FGD6: variants seen among roughly 807,000 people sequenced by gnomAD.
FGD6 encodes FYVE, RhoGEF and PH domain-containing protein 6.
A neutral mutation model predicts 149.4 loss-of-function variants in FGD6; 90 were observed. The observed-to-expected ratio is 0.60, with a 90% CI of 0.51 to 0.72. The LOEUF (loss-of-function observed/expected upper bound fraction) is 0.72, where lower values mean the gene tolerates loss of function less well. Ranked by LOEUF, FGD6 falls within the 30% of genes least tolerant of loss-of-function variation. FGD6 has a pLI of 0.00. For missense variants in FGD6, 1,437 were observed against 1,684.8 expected (o/e 0.85, Z 2.57); for synonymous variants, 527 against 584.0 (o/e 0.90, Z 1.41).
chr12:95,169,373 C>T (rs1421177393), intron 3 of FGD6, among the ~76,000 whole-genome samples: 1 of 150,978 alleles, frequency 6.6e-6, no homozygotes, highest in East Asian at 1.9e-4. Context: ...CCATGATTAA[C>T]TAAAGAAATA....
At position 95,211,012 on chromosome 12, in the gene FGD6, T is replaced by C. The variant is rs763773564; in HGVS notation, c.272A>G (p.Asp91Gly). Residue 91 changes from aspartate (D) to glycine (G), a missense_variant, in exon 2 of 21, where the codon GAC (aspartate) becomes GGC (glycine). Transcript: ENST00000343958. ...GCCTTCATATTTACAATTAAAGTTG[T>C]CAGTGCTTTCAGCTAATTCCTGTTT... is the stretch of plus-strand genomic sequence containing the variant. ...GHKQELAEST[D>G]NFNCKYEGNQ... The C allele has an allele frequency of 1.2e-6, 2 of 1,614,172 alleles. No individual in the cohort carries two copies. Among genetic ancestry groups the C allele is most frequent in the Non-Finnish European group, 1.7e-6 (2 of 1,180,032 alleles).
intron 8 of FGD6, among the ~76,000 whole-genome samples, chr12:95,118,797 T>C (rs1165589201): frequency 2.0e-5 from 3 of 152,226 alleles, no homozygotes; most frequent in Non-Finnish European, 4.4e-5. Context: ...GTCTAGTCAA[T>C]ATGACTTTGT....
At chr12:95,120,600 T>G (rs1402151450) in intron 8 of FGD6, among the ~76,000 whole-genome samples, 1 of 150,962 alleles carries the variant, frequency 6.6e-6, no homozygotes, top group Non-Finnish European at 1.5e-5. Flanking sequence ...GCAAGGAGAA[T>G]TGCTTAAACT....
At chr12:95,102,063 T>C (rs1162744795) in intron 14 of FGD6, among the ~76,000 whole-genome samples, 1 of 68,418 alleles carries the variant, frequency 1.5e-5, no homozygotes, top group Admixed American at 1.4e-4. Context: ...TGTAGCACTT[T>C]GGGAGGCTGA....
At chr12:95,101,263 C>A (rs548067574) in intron 14 of FGD6, among the ~76,000 whole-genome samples, 67 of 152,138 alleles carry the variant, frequency 4.4e-4, no homozygotes, top group African/African-American at 1.4e-3. Context: ...AGAAGAATTG[C>A]TCGAACCCGG....
chr12:95,153,669 AAAAC>A (rs896219294), intron 3 of FGD6, among the ~76,000 whole-genome samples: 12 of 152,116 alleles, frequency 7.9e-5, no homozygotes, highest in South Asian at 2.1e-4. Context: ...CTCAAAAACA[AAAAC>A]AAACAAACAA....
intron 2 of FGD6, among the ~76,000 whole-genome samples, chr12:95,181,608 T>C (rs1309793442): frequency 6.6e-6 from 1 of 152,250 alleles, no homozygotes; most frequent in Non-Finnish European, 1.5e-5. Flanking sequence ...ACAACTTTCT[T>C]GTTAATACAA....
chr12:95,094,507 T>G (rs1450901465), intron 15 of FGD6, 85 bp downstream of exon 15: 2 of 849,810 alleles, frequency 2.4e-6, no homozygotes, highest in African/African-American at 3.4e-5. Flanking sequence ...CTGAAACACA[T>G]GTTGCTTTCT....
intron 2 of FGD6, among the ~76,000 whole-genome samples, chr12:95,204,325 C>G (rs1286232264): frequency 1.3e-5 from 2 of 152,160 alleles, no homozygotes; most frequent in Non-Finnish European, 2.9e-5. Flanking sequence ...CACCCTCATC[C>G]AGTCTCCTCC....
chr12:95,113,525 C>T (rs765526170), intron 9 of FGD6, 126 bp downstream of exon 9: 32 of 742,584 alleles, frequency 4.3e-5, no homozygotes, highest in Non-Finnish European at 6.0e-5. Context: ...TGTGAGCCAC[C>T]GCACCTGCCC....
At chr12:95,187,122 G>T (rs113624369) in intron 2 of FGD6, among the ~76,000 whole-genome samples, 1 of 135,254 alleles carries the variant, frequency 7.4e-6, no homozygotes, top group Non-Finnish European at 1.6e-5. Context: ...ATGAGGTTAG[G>T]AGATCGAGAC....
intron 13 of FGD6, among the ~76,000 whole-genome samples, chr12:95,105,430 A>C (rs1260219129): frequency 2.0e-5 from 3 of 152,188 alleles, no homozygotes; most frequent in Admixed American, 2.0e-4. Context: ...GCTACAGGCC[A>C]GTCCCCACCA....
At chr12:95,086,967 C>T (rs1565892019) in intron 18 of FGD6, among the ~76,000 whole-genome samples, 1 of 151,756 alleles carries the variant, frequency 6.6e-6, no homozygotes, top group Admixed American at 6.6e-5. Flanking sequence ...CGTGCCCCAG[C>T]CTCCCGAGTA....
At chr12:95,167,358 C>A (rs545371299) in intron 3 of FGD6, among the ~76,000 whole-genome samples, 1 of 152,112 alleles carries the variant, frequency 6.6e-6, no homozygotes, top group South Asian at 2.1e-4. Flanking sequence ...TATAAGGACT[C>A]CCATTTCTCC....
At chr12:95,085,260 G>C (rs1877823778) in intron 19 of FGD6, among the ~76,000 whole-genome samples, 1 of 145,700 alleles carries the variant, frequency 6.9e-6, no homozygotes, top group Non-Finnish European at 1.5e-5. Flanking sequence ...TGTTGCCCAG[G>C]CTGGAGTGCA....
chr12:95,181,229 T>C (rs1046338047), intron 2 of FGD6, among the ~76,000 whole-genome samples: 1 of 152,162 alleles, frequency 6.6e-6, no homozygotes, highest in Admixed American at 6.5e-5. Flanking sequence ...ACCACACAAC[T>C]TGTTGACTAC....
At chr12:95,094,793 C>A in intron 14 of FGD6, 99 bp from the exon 15 acceptor site, 3 of 809,740 alleles carry the variant, frequency 3.7e-6, no homozygotes, top group Non-Finnish European at 4.1e-6. Flanking sequence ...CACCACCCTC[C>A]AACAATACCA....
chr12:95,210,342 A>G lies in FGD6; in HGVS notation c.942T>C (p.Thr314=). The change falls in exon 2 of 21, where the codon ACT becomes ACC. Residue 314 remains threonine (T), a synonymous_variant. Transcript: ENST00000343958. ...CAGTTCGTGTCTTTCTGGGCTTGGG[A>G]GTTGGAAATTTTGGGGTATATGGTA... ...HLVPYTPKFP[T]PKPRKTRTAR... The G allele has an allele frequency of 6.2e-7, 1 of 1,613,772 alleles. No individual in the cohort carries two copies. The highest frequency in any genetic ancestry group is 8.5e-7 in the Non-Finnish European group (1 of 1,179,956).
At position 95,209,324 on chromosome 12, in the gene FGD6, G is replaced by A. The variant is rs778845855; in HGVS notation, c.1960C>T (p.Leu654Phe). Residue 654 changes from leucine (L) to phenylalanine (F), a missense_variant, in exon 2 of 21, where the codon CTC becomes TTC. Physicochemically the swap from Leu to Phe is conservative, Grantham distance 22. Around this residue, in one of 2 missense-constraint regions of FGD6, gnomAD observed 1,055 missense variants for 1,146.0 expected, o/e 0.92. Transcript: ENST00000343958. ...AGGTGGCCTGTGGTGGTGTCTCCGA[G>A]TTGGCTACTCTTGGACCAAAATTTT... Reference protein sequence around the residue: ...FQKFWSKSSQLGDTTTGHLSS... With the variant: ...FQKFWSKSSQFGDTTTGHLSS... 34 of 1,613,456 alleles carry A rather than the reference G, an allele frequency of 2.1e-5. No homozygotes were observed. Among genetic ancestry groups the A allele is most frequent in the Non-Finnish European group, 8.5e-7 (1 of 1,179,782 alleles).
Sources: gnomAD v4.1 joint callset for allele counts (sites outside exome capture counted in the v4.1 genomes callset) on GRCh38, gnomAD v4.1.1 for gene constraint, gnomAD v4.1.1 regional missense constraint, MANE v1.5 for transcripts, NCBI Gene and HGNC (gene_info 2026-07-23, HGNC 2026-07-21) for gene names.